Variants in UBR2 observed in about 807,000 individuals in gnomAD.
The protein encoded by UBR2 is E3 ubiquitin-protein ligase UBR2.
A neutral mutation model predicts 247.9 loss-of-function variants in UBR2; 92 were observed. That is an observed-to-expected ratio of 0.37 (90% CI 0.31 to 0.44). UBR2 has a LOEUF of 0.44. Among genes scored for constraint, UBR2 ranks in the 20% least tolerant of loss-of-function variants. UBR2 has a pLI of 1.00. For synonymous variants in UBR2, 672 were observed against 693.5 expected, an observed-to-expected ratio of 0.97 and a Z score of 0.49; for missense variants, 1,613 against 2,112.6, an observed-to-expected ratio of 0.76 and a Z score of 4.64.
intron 3 of UBR2, among the ~76,000 whole-genome samples, chr6:42,593,028 G>A (rs1271564238): frequency 6.6e-6 from 1 of 152,054 alleles, no homozygotes; most frequent in African/African-American, 2.4e-5. Context: ...GCAAAAATTA[G>A]CCAGACATGG....
intron 44 of UBR2, 87 bp from the exon 45 acceptor site, chr6:42,688,129 A>G: frequency 2.0e-6 from 3 of 1,507,866 alleles, no homozygotes; most frequent in Non-Finnish European, 2.8e-6. Context: ...TTGATATTGC[A>G]GAATTCTTTT....
intron 2 of UBR2, among the ~76,000 whole-genome samples, chr6:42,582,073 G>A (rs990818833): frequency 4.0e-5 from 6 of 151,852 alleles, no homozygotes; most frequent in Admixed American, 6.6e-5. Context: ...CACGAGGTCC[G>A]GAGATCGAGA....
At chr6:42,632,523 C>T in intron 11 of UBR2, 29 bp from the exon 12 acceptor site, 1 of 1,560,920 alleles carries the variant, frequency 6.4e-7, no homozygotes, top group East Asian at 2.3e-5. Context: ...TTTTTGATTA[C>T]CATGCACTCT....
At chr6:42,608,286 C>T (rs1000188310) in intron 7 of UBR2, among the ~76,000 whole-genome samples, 1 of 152,150 alleles carries the variant, frequency 6.6e-6, no homozygotes, top group African/African-American at 2.4e-5. Context: ...TGTTTCTCCA[C>T]ATCTTTGTTA....
intron 13 of UBR2, 29 bp from the exon 14 acceptor site, chr6:42,635,389 T>C: frequency 6.2e-7 from 1 of 1,603,838 alleles, no homozygotes; most frequent in Non-Finnish European, 8.5e-7. Context: ...TTATTTTCAT[T>C]CATATATAAT....
At chr6:42,595,736 A>T (rs979709782) in intron 4 of UBR2, among the ~76,000 whole-genome samples, 3 of 151,148 alleles carry the variant, frequency 2.0e-5, no homozygotes, top group Admixed American at 2.0e-4. Context: ...AAAAAAAAAA[A>T]GTTCTTCCTG....
chr6:42,625,576 A>G (rs905054217), intron 11 of UBR2, among the ~76,000 whole-genome samples: 3 of 152,026 alleles, frequency 2.0e-5, no homozygotes, highest in African/African-American at 4.8e-5. Context: ...CAGTCTCCCA[A>G]GTAGCTGGGA....
intron 2 of UBR2, among the ~76,000 whole-genome samples, chr6:42,584,211 G>A (rs889760683): frequency 6.6e-5 from 10 of 152,076 alleles, no homozygotes; most frequent in African/African-American, 2.4e-4. Context: ...GGTCAGGCTG[G>A]TCTCAAACTC....
intron 21 of UBR2, 63 bp from the exon 22 acceptor site, chr6:42,648,055 A>C: frequency 7.2e-7 from 1 of 1,383,932 alleles, no homozygotes; most frequent in Non-Finnish European, 1.0e-6. Context: ...GAGATAAAAC[A>C]CAATGCTAAG....
intron 13 of UBR2, among the ~76,000 whole-genome samples, chr6:42,633,136 C>T (rs570704578): frequency 6.0e-5 from 9 of 151,138 alleles, no homozygotes; most frequent in East Asian, 2.0e-4. Flanking sequence ...GGACTAGAGG[C>T]GCAGGCACGG....
rs538241597 is a variant in UBR2, at chr6:42,573,678, G to T, written c.79-56G>T. 1.3e-5 allele frequency: 18 copies of T among 1,427,516 alleles called. No homozygotes were observed. The South Asian group carries it at 3.0e-4, about 24-fold the overall frequency. The allele number at this position is 1,427,516 out of a possible 1,614,324, so 88.4% of individuals were successfully genotyped here. A position where few individuals can be genotyped will look rare whatever the true frequency, so the allele number is the denominator to read the frequency against. ...ACCTAAAAGAAAGTAGGGTGAATTT[G>T]TTCAAATTAGTTTGTTGGTGTTTAA... On this transcript the variant is annotated intron_variant, in intron 1 of 46. Coordinates refer to ENST00000372901, the MANE Select transcript of UBR2 (RefSeq NM_001363705.2).
chr6:42,615,956 ATTG>A, intron 9 of UBR2, 43 bp from the exon 10 acceptor site: 1 of 1,348,502 alleles, frequency 7.4e-7, no homozygotes, highest in Non-Finnish European at 1.0e-6. Flanking sequence ...GAGAAATGTA[ATTG>A]TTGGGCGTGT....
chr6:42,638,108 CCAGTG>C (rs1796217561), intron 15 of UBR2, among the ~76,000 whole-genome samples: 1 of 152,044 alleles, frequency 6.6e-6, no homozygotes, highest in African/African-American at 2.4e-5. Context: ...ACAGAATTCA[CCAGTG>C]AAGTCATCTC....
rs770332415 is a variant in UBR2 at position 42,658,342 on chromosome 6, A to G, written c.3063+22A>G. On this transcript the variant is annotated intron_variant, in intron 28 of 46. Coordinates refer to ENST00000372901, the MANE Select transcript of UBR2 (RefSeq NM_001363705.2). ...AGAGGTATAAACAGTAAAAAGTGTG[A>G]TAATACTAAAAAATTACAGCAAGTT... The G allele has an allele frequency of 2.5e-6, 4 of 1,588,550 alleles. No homozygotes were observed. The African/African-American group carries it at 4.1e-5, about 16-fold the overall frequency.
intron 1 of UBR2, among the ~76,000 whole-genome samples, chr6:42,569,371 T>G (rs1790974250): frequency 2.6e-5 from 4 of 152,220 alleles, no homozygotes; most frequent in Non-Finnish European, 5.9e-5. Context: ...TGTTATGCCT[T>G]CTCATTGTGG....
At chr6:42,592,811 C>A (rs1349727239) in intron 3 of UBR2, among the ~76,000 whole-genome samples, 1 of 152,140 alleles carries the variant, frequency 6.6e-6, no homozygotes, top group African/African-American at 2.4e-5. Flanking sequence ...TTCAGGAGCC[C>A]ATCTGGGTCA....
In UBR2 at chr6:42,644,557, G is replaced by A. The variant is rs112323348; in HGVS notation, c.2284+21G>A. ...TGTTGGTAAGTTTAAATTGTTTGAGGCATTTAATAAATTACACTGACGTTT... is the reference window on the plus strand; with the variant it reads ...TGTTGGTAAGTTTAAATTGTTTGAGACATTTAATAAATTACACTGACGTTT... On this transcript the variant is annotated intron_variant, in intron 20 of 46. Coordinates refer to ENST00000372901, the MANE Select transcript of UBR2 (RefSeq NM_001363705.2). The A allele has an allele frequency of 2.5e-6, 4 of 1,591,948 alleles. No homozygotes were observed. The African/African-American group carries it at 4.0e-5, about 16-fold the overall frequency.
chr6:42,608,075 G>A (rs1024584053), intron 7 of UBR2, among the ~76,000 whole-genome samples: 3 of 151,808 alleles, frequency 2.0e-5, no homozygotes, highest in African/African-American at 7.3e-5. Context: ...TCAGTTTTTT[G>A]CTGTGACAAA....
intron 11 of UBR2, among the ~76,000 whole-genome samples, chr6:42,625,368 T>C (rs1249083636): frequency 6.6e-6 from 1 of 152,190 alleles, no homozygotes; most frequent in African/African-American, 2.4e-5. Flanking sequence ...TTAATACATT[T>C]CAGATCTATA....
Sources: allele counts gnomAD v4.1 joint callset (sites outside exome capture counted in the v4.1 genomes callset), GRCh38; gene constraint gnomAD v4.1.1; transcripts MANE v1.5; gene names NCBI Gene and HGNC (gene_info 2026-07-23, HGNC 2026-07-21).